MAP3K3: variants seen among roughly 807,000 people sequenced by gnomAD.
MAP3K3 encodes mitogen-activated protein kinase kinase kinase 3, also known as MAP/ERK kinase kinase 3.
In MAP3K3, 12 loss-of-function variants were observed where a neutral mutation model predicts 80.9. The ratio of observed to expected loss-of-function variants is 0.15; its 90% CI spans 0.10 to 0.24. The LOEUF (loss-of-function observed/expected upper bound fraction) is 0.24. Ranked by LOEUF, MAP3K3 falls within the 10% of genes least tolerant of loss-of-function variation. MAP3K3 has a pLI of 1.00. For synonymous variants in MAP3K3, 272 were observed against 307.1 expected (o/e 0.89, Z 1.19); for missense variants, 596 against 834.7 (o/e 0.71, Z 3.52).
intron 6 of MAP3K3, among the ~76,000 whole-genome samples, chr17:63,676,389 G>T (rs761999490): frequency 1.1e-4 from 17 of 152,198 alleles, no homozygotes; most frequent in Non-Finnish European, 2.2e-4. Context: ...TTTTATCCCA[G>T]GGAAGTCTCA....
At chr17:63,677,440 G>C (rs945039619) in intron 6 of MAP3K3, among the ~76,000 whole-genome samples, 2 of 152,192 alleles carry the variant, frequency 1.3e-5, no homozygotes, top group African/African-American at 4.8e-5. Context: ...TGCTCTCTCT[G>C]TGTTTTGTGA....
chr17:63,667,078 T>A lies in MAP3K3; in HGVS notation c.502+18T>A, dbSNP rs769988237. On this transcript the variant is annotated intron_variant, in intron 6 of 15. Transcript: ENST00000361733. ...CTCTGTCAGTGAGTATTTCAACCCT[T>A]TTTTCTCCCCCTCTATTTTATCTGC... 2 of 1,562,826 alleles carry A rather than the reference T, an allele frequency of 1.3e-6. No individual in the cohort carries two copies. Among genetic ancestry groups the A allele is most frequent in the South Asian group, 1.2e-5 (1 of 83,646 alleles).
chr17:63,646,788 G>A (rs2034548666), intron 3 of MAP3K3, among the ~76,000 whole-genome samples: 1 of 152,148 alleles, frequency 6.6e-6, no homozygotes, highest in Admixed American at 6.5e-5. Flanking sequence ...GTTATTTAAG[G>A]AAAACATTCA....
chr17:63,624,531 A>C (rs1205655627), intron 1 of MAP3K3, among the ~76,000 whole-genome samples: 1 of 152,224 alleles, frequency 6.6e-6, no homozygotes, highest in Non-Finnish European at 1.5e-5. Context: ...GTGTGAGTAT[A>C]TGGAGACCAA....
intron 4 of MAP3K3, among the ~76,000 whole-genome samples, chr17:63,653,956 T>A (rs997672978): frequency 7.9e-5 from 12 of 152,146 alleles, no homozygotes; most frequent in African/African-American, 2.4e-4. Flanking sequence ...AGCCTTGACC[T>A]CCTGCGCTCA....
At chr17:63,644,837 G>A (rs2034510158) in intron 2 of MAP3K3, among the ~76,000 whole-genome samples, 1 of 152,022 alleles carries the variant, frequency 6.6e-6, no homozygotes, top group South Asian at 2.1e-4. Context: ...CTATTAATTT[G>A]TCTTCTTCAA....
intron 3 of MAP3K3, among the ~76,000 whole-genome samples, chr17:63,647,263 A>C (rs1436693769): frequency 1.3e-5 from 2 of 152,122 alleles, no homozygotes; most frequent in Admixed American, 1.3e-4. Flanking sequence ...TGGAGGGAGG[A>C]AGGTCTGAGC....
intron 6 of MAP3K3, among the ~76,000 whole-genome samples, chr17:63,678,865 A>C (rs982164566): frequency 6.6e-6 from 1 of 152,096 alleles, no homozygotes; most frequent in Non-Finnish European, 1.5e-5. Context: ...CCCTGTCTCT[A>C]CTAAAAATAT....
chr17:63,684,824 T>G (rs1262123756), intron 7 of MAP3K3, among the ~76,000 whole-genome samples: 1 of 152,036 alleles, frequency 6.6e-6, no homozygotes, highest in Non-Finnish European at 1.5e-5. Flanking sequence ...GCTCGGATAA[T>G]GAATATTCTG....
In MAP3K3 at chr17:63,641,078, T is replaced by C. The variant is rs114553094; in HGVS notation, c.127-4956T>C. Among the ~76,000 whole-genome samples, 83 of 152,336 alleles carry C rather than the reference T, an allele frequency of 5.4e-4. 1 individual carries two copies. The highest frequency in any genetic ancestry group is 2.0e-3 in the African/African-American group (82 of 41,562). ...TTTTGGCTAAAGGATAATAGACCTGTATTACCATTTACCAACCACTTGTAT... is the reference window on the plus strand; with the variant it reads ...TTTTGGCTAAAGGATAATAGACCTGCATTACCATTTACCAACCACTTGTAT... On this transcript the variant is annotated intron_variant, in intron 2 of 15. Transcript: ENST00000361733.
chr17:63,635,224 T>G (rs2143201461), intron 2 of MAP3K3, among the ~76,000 whole-genome samples: 1 of 152,368 alleles, frequency 6.6e-6, no homozygotes, highest in African/African-American at 2.4e-5. Context: ...GGCAAGAAAT[T>G]ATGTATATGC....
At chr17:63,676,755 A>G (rs1189379610) in intron 6 of MAP3K3, among the ~76,000 whole-genome samples, 1 of 152,230 alleles carries the variant, frequency 6.6e-6, no homozygotes, top group Admixed American at 6.5e-5. Flanking sequence ...CCACCGGTCC[A>G]GAAGTCCAGT....
At chr17:63,650,019 A>C (rs1180666095) in intron 3 of MAP3K3, among the ~76,000 whole-genome samples, 2 of 152,208 alleles carry the variant, frequency 1.3e-5, no homozygotes, top group African/African-American at 2.4e-5. Context: ...AGAGGACAAG[A>C]ACTGCGCAGG....
chr17:63,665,293 G>A (rs1052852793), intron 5 of MAP3K3, among the ~76,000 whole-genome samples: 13 of 152,070 alleles, frequency 8.5e-5, no homozygotes, highest in African/African-American at 2.9e-4. Flanking sequence ...AGCCTCCTGA[G>A]TAGCTGGGAC....
At chr17:63,688,233 G>T in intron 8 of MAP3K3, 1 of 481,742 alleles carries the variant, frequency 2.1e-6, no homozygotes, top group South Asian at 2.3e-5. Context: ...GGAGCTCTTT[G>T]CCTGTTACAG....
intron 3 of MAP3K3, among the ~76,000 whole-genome samples, chr17:63,650,345 A>C (rs1424279187): frequency 6.6e-6 from 1 of 152,160 alleles, no homozygotes; most frequent in Non-Finnish European, 1.5e-5. Context: ...TCTGTTGCCC[A>C]GGCTGGAGTG....
At chr17:63,651,676 T>C (rs2034659935) in intron 3 of MAP3K3, among the ~76,000 whole-genome samples, 1 of 152,206 alleles carries the variant, frequency 6.6e-6, no homozygotes, top group Admixed American at 6.5e-5. Context: ...TTACACCTCT[T>C]TGGATGACTC....
Position 63,637,572 on chromosome 17 carries a change from A to G in MAP3K3, c.126+4770A>G, listed in dbSNP as rs149009668. On this transcript the variant is annotated intron_variant, in intron 2 of 15. Coordinates refer to ENST00000361733, the MANE Select transcript of MAP3K3 (RefSeq NM_002401.5). Reference sequence around the variant, plus strand: ...GTACAAATGTGAAGTTGCAGTGGTTATGTCACTTCTTATGTTCTGGCACTG... The same window carrying G: ...GTACAAATGTGAAGTTGCAGTGGTTGTGTCACTTCTTATGTTCTGGCACTG... Among the ~76,000 whole-genome samples the G allele has an allele frequency of 8.5e-3, 1,297 of 152,322 alleles. 22 individuals carry two copies. The highest frequency in any genetic ancestry group is 0.029 in the African/African-American group (1,221 of 41,572).
chr17:63,657,717 T>C (rs1238264681), intron 4 of MAP3K3, 77 bp from the exon 5 acceptor site: 3 of 632,680 alleles, frequency 4.7e-6, no homozygotes, highest in Non-Finnish European at 8.3e-6. Context: ...TTTTTGTTTA[T>C]TTTATTTCTG....
Sources: gnomAD v4.1 joint callset for allele counts (sites outside exome capture counted in the v4.1 genomes callset) on GRCh38, gnomAD v4.1.1 for gene constraint, MANE v1.5 for transcripts, NCBI Gene and HGNC (gene_info 2026-07-23, HGNC 2026-07-21) for gene names.